The following PCDH9 variants were observed in gnomAD, a reference collection of about 807,000 sequenced individuals.
PCDH9 encodes protocadherin-9.
In PCDH9, 24 loss-of-function variants were observed where a neutral mutation model predicts 70.6. The ratio of observed to expected loss-of-function variants is 0.34; its 90% CI spans 0.25 to 0.48. The LOEUF is 0.48. Among genes scored for constraint, PCDH9 ranks in the 20% least tolerant of loss-of-function variants. The pLI, the probability that PCDH9 is intolerant of heterozygous loss-of-function variation, is 0.99. For synonymous variants in PCDH9, 562 were observed against 558.5 expected (o/e 1.01, Z -0.09); for missense variants, 1,281 against 1,503.6 (o/e 0.85, Z 2.45).
chr13:66,366,731 T>C (rs746262694), intron 4 of PCDH9, among the ~76,000 whole-genome samples: 1 of 152,020 alleles, frequency 6.6e-6, no homozygotes, highest in Non-Finnish European at 1.5e-5. Flanking sequence ...CCTAGACACA[T>C]AATAAGCATC....
At chr13:67,083,529 A>G (rs1253358701) in intron 2 of PCDH9, among the ~76,000 whole-genome samples, 1 of 152,206 alleles carries the variant, frequency 6.6e-6, no homozygotes, top group Admixed American at 6.5e-5. Context: ...CTGGGACTTT[A>G]CTAAATATCC....
intron 2 of PCDH9, among the ~76,000 whole-genome samples, chr13:66,941,375 C>G (rs1250207652): frequency 6.6e-6 from 1 of 151,438 alleles, no homozygotes. Flanking sequence ...AGATAACAAA[C>G]AGCAAGATGA....
intron 3 of PCDH9, among the ~76,000 whole-genome samples, chr13:66,735,987 A>T (rs1420525950): frequency 6.6e-6 from 1 of 152,168 alleles, no homozygotes; most frequent in Non-Finnish European, 1.5e-5. Flanking sequence ...TAAAGATTAA[A>T]GAAGACATGA....
At chr13:66,555,229 T>C (rs556426821) in intron 4 of PCDH9, among the ~76,000 whole-genome samples, 1 of 152,288 alleles carries the variant, frequency 6.6e-6, no homozygotes. Flanking sequence ...CTAAGCTATA[T>C]ATTTGCATTG....
chr13:66,662,978 G>A (rs938197822), intron 3 of PCDH9, among the ~76,000 whole-genome samples: 1 of 152,114 alleles, frequency 6.6e-6, no homozygotes, highest in Non-Finnish European at 1.5e-5. Flanking sequence ...AGAAATAACA[G>A]TGTATATATG....
rs540680162 is a variant in PCDH9, at chr13:66,602,997, T to A, written c.3340+28213A>T. Among the ~76,000 whole-genome samples, 24 of 145,538 alleles carry A rather than the reference T, an allele frequency of 1.6e-4. 2 individuals are homozygous for A. The highest frequency in any genetic ancestry group is 5.7e-4 in the African/African-American group (23 of 40,434). ...TAGGCTATACCTTGTAGACTAGGAG[T>A]GTGTAGGCGATACCATCTAGGTTTG... On this transcript the variant is annotated intron_variant, in intron 4 of 4. Coordinates refer to ENST00000377865, the MANE Select transcript of PCDH9 (RefSeq NM_203487.3).
chr13:66,752,402 TC>T (rs2079474548), intron 3 of PCDH9, among the ~76,000 whole-genome samples: 1 of 152,098 alleles, frequency 6.6e-6, no homozygotes, highest in African/African-American at 2.4e-5. Context: ...GCTCAAGCAA[TC>T]CTCCCATCTC....
intron 3 of PCDH9, among the ~76,000 whole-genome samples, chr13:66,673,823 A>G (rs546724420): frequency 4.9e-4 from 74 of 152,318 alleles, no homozygotes; most frequent in South Asian, 1.9e-3. Context: ...GACTTATTAT[A>G]TTCCACAGCA....
intron 3 of PCDH9, among the ~76,000 whole-genome samples, chr13:66,681,113 A>T (rs1182074121): frequency 1.3e-5 from 2 of 152,010 alleles, no homozygotes; most frequent in Non-Finnish European, 2.9e-5. Flanking sequence ...CAGACAACTT[A>T]ACCCAAACAA....
At chr13:66,387,806 T>C (rs1956953754) in intron 4 of PCDH9, among the ~76,000 whole-genome samples, 2 of 152,114 alleles carry the variant, frequency 1.3e-5, no homozygotes, top group Non-Finnish European at 2.9e-5. Flanking sequence ...ACTGCAGTTA[T>C]TACTTTTGTG....
At position 67,227,330 on chromosome 13, in the gene PCDH9, C is replaced by G. The variant is rs780884346; in HGVS notation, c.1111G>C (p.Val371Leu). The G allele has an allele frequency of 1.2e-6, 2 of 1,613,686 alleles. No homozygotes were observed. Among genetic ancestry groups the G allele is most frequent in the Non-Finnish European group, 1.7e-6 (2 of 1,179,654 alleles). ...RYIISPINGT[V>L]YLSEKDPVNT... The stretch of plus-strand genomic sequence containing the variant: ...ACAGGATCTTTCTCAGATAAATACA[C>G]GGTGCCATTGATGGGACTTATAATG... The change falls in exon 2 of 5, where the codon GTG (valine) becomes CTG (leucine). Residue 371 changes from valine (V) to leucine (L), a missense_variant. Around this residue, in one of 4 missense-constraint regions of PCDH9, gnomAD observed 798 missense variants for 1,003.1 expected, o/e 0.80. Transcript: ENST00000377865. The surrounding 1 kb of genome is among the most constrained non-coding windows in gnomAD (Gnocchi z 4.6).
chr13:66,801,116 C>A lies in PCDH9; in HGVS notation c.3138+102388G>T, dbSNP rs147832138. Among the ~76,000 whole-genome samples, 20 of 149,892 alleles carry A rather than the reference C, an allele frequency of 1.3e-4. No homozygotes were observed. In the East Asian group the frequency reaches 2.8e-3, roughly 21 times the overall value. ...TGTAGGTCTGTATATATCCTCAGAACGTCACACATTGCCTGAAAAACAATA... is the reference window on the plus strand; with the variant it reads ...TGTAGGTCTGTATATATCCTCAGAAAGTCACACATTGCCTGAAAAACAATA... On this transcript the variant is annotated intron_variant, in intron 3 of 4. Transcript: ENST00000377865.
chr13:66,425,900 T>G (rs1448800865), intron 4 of PCDH9, among the ~76,000 whole-genome samples: 3 of 151,646 alleles, frequency 2.0e-5, no homozygotes, highest in African/African-American at 7.2e-5. Context: ...GGGTGACTCA[T>G]GAGGTCATTA....
chr13:66,858,321 T>A (rs1260626870), intron 3 of PCDH9, among the ~76,000 whole-genome samples: 1 of 152,168 alleles, frequency 6.6e-6, no homozygotes, highest in Non-Finnish European at 1.5e-5. Context: ...TCAGTTTTGA[T>A]CCTTATAAAC....
At chr13:66,743,817 A>G (rs1045982503) in intron 3 of PCDH9, among the ~76,000 whole-genome samples, 15 of 152,190 alleles carry the variant, frequency 9.9e-5, no homozygotes, top group African/African-American at 3.1e-4. Flanking sequence ...TAATTTTAAA[A>G]TTTATAAATT....
At chr13:66,984,243 T>G (rs1378302897) in intron 2 of PCDH9, among the ~76,000 whole-genome samples, 1 of 152,116 alleles carries the variant, frequency 6.6e-6, no homozygotes, top group East Asian at 1.9e-4. Context: ...CACCATATAT[T>G]TCTTTAAAAA....
chr13:66,556,887 T>C (rs1051210307), intron 4 of PCDH9, among the ~76,000 whole-genome samples: 1 of 152,118 alleles, frequency 6.6e-6, no homozygotes, highest in Non-Finnish European at 1.5e-5. Context: ...AGAATCTAAG[T>C]ATGATACAGG....
chr13:66,417,516 G>T (rs1957481228), intron 4 of PCDH9, among the ~76,000 whole-genome samples: 1 of 152,126 alleles, frequency 6.6e-6, no homozygotes. Flanking sequence ...ATAGTAGAAT[G>T]ATTTATAATC....
rs376677855 is a variant in PCDH9 at position 67,154,850 on chromosome 13, C to T, written c.3036+70555G>A. ...TCCCTAGTAGCTGGTACTACAGGTG[C>T]GTGTCACCACACCCAGCAAATTTTT... On this transcript the variant is annotated intron_variant, in intron 2 of 4. Transcript: ENST00000377865. Among the ~76,000 whole-genome samples, 11 of 151,486 alleles carry T rather than the reference C, an allele frequency of 7.3e-5. No individual in the cohort carries two copies. The South Asian group carries it at 1.5e-3, about 20-fold the overall frequency.
Sources: gnomAD v4.1 joint callset for allele counts (sites outside exome capture counted in the v4.1 genomes callset) on GRCh38, gnomAD v4.1.1 for gene constraint, gnomAD v4.1.1 regional missense constraint, Gnocchi (gnomAD v3.1) non-coding constraint, MANE v1.5 for transcripts, NCBI Gene and HGNC (gene_info 2026-07-23, HGNC 2026-07-21) for gene names.